GPC5: variants seen among roughly 807,000 people sequenced by gnomAD.
GPC5 encodes glypican-5.
In GPC5, 47 loss-of-function variants were observed where a neutral mutation model predicts 53.9. That is an observed-to-expected ratio of 0.87 (90% confidence interval 0.69 to 1.11). The LOEUF is 1.11. Ranked by LOEUF, GPC5 falls within the 50% of genes most tolerant of loss-of-function variation. GPC5 has a pLI of 0.00. For synonymous variants in GPC5, 286 were observed against 263.3 expected (o/e 1.09, Z -0.84); for missense variants, 748 against 713.1 (o/e 1.05, Z -0.56).
rs539441229 is a variant in GPC5, at chr13:92,612,752, C to T, written c.1562-253530C>T. ...AAGTGAAAAAACAATATTGCCTGTTCTGTGCCAGACATTATGACAGGAACA... is the reference window on the plus strand; with the variant it reads ...AAGTGAAAAAACAATATTGCCTGTTTTGTGCCAGACATTATGACAGGAACA... On this transcript the variant is annotated intron_variant, in intron 7 of 7. Coordinates refer to ENST00000377067, the MANE Select transcript of GPC5 (RefSeq NM_004466.6). Among the ~76,000 whole-genome samples the T allele has an allele frequency of 7.2e-5, 11 of 152,182 alleles. No individual in the cohort carries two copies. In the East Asian group the frequency reaches 2.1e-3, roughly 29 times the overall value.
At chr13:92,795,231 C>A (rs1876625627) in intron 7 of GPC5, among the ~76,000 whole-genome samples, 1 of 152,126 alleles carries the variant, frequency 6.6e-6, no homozygotes, top group Non-Finnish European at 1.5e-5. Flanking sequence ...AATAACACCA[C>A]ACATCTACAA....
intron 7 of GPC5, among the ~76,000 whole-genome samples, chr13:92,169,869 G>A (rs540506877): frequency 6.6e-6 from 1 of 151,970 alleles, no homozygotes; most frequent in African/African-American, 2.4e-5. Flanking sequence ...GTGAACATTT[G>A]GAACTATGTT....
chr13:92,628,828 A>G (rs1220985283), intron 7 of GPC5, among the ~76,000 whole-genome samples: 1 of 152,156 alleles, frequency 6.6e-6, no homozygotes, highest in African/African-American at 2.4e-5. Flanking sequence ...TGCTCCTCTC[A>G]TGGAACTAGA....
chr13:91,533,281 C>A (rs1052845927), intron 2 of GPC5, among the ~76,000 whole-genome samples: 1 of 152,128 alleles, frequency 6.6e-6, no homozygotes, highest in Non-Finnish European at 1.5e-5. Flanking sequence ...TTGTTCTTTC[C>A]AATTTATTTC....
At chr13:91,776,147 A>G (rs928901568) in intron 5 of GPC5, among the ~76,000 whole-genome samples, 3 of 152,162 alleles carry the variant, frequency 2.0e-5, no homozygotes, top group Admixed American at 6.5e-5. Flanking sequence ...GTTGGACCCG[A>G]GACAGCTGAG....
rs569458284 is a variant in GPC5 at position 91,713,674 on chromosome 13, G to C, written c.1021-14858G>C. Among the ~76,000 whole-genome samples, 4 of 152,170 alleles carry C rather than the reference G, an allele frequency of 2.6e-5. No individual in the cohort carries two copies. In the East Asian group the frequency reaches 7.7e-4, roughly 29 times the overall value. On this transcript the variant is annotated intron_variant, in intron 3 of 7. Coordinates refer to ENST00000377067, the MANE Select transcript of GPC5 (RefSeq NM_004466.6). ...ACACTTTCTCTCAGAATGTCACAAAGACTCTTTAAAACCCAGAAATCCAGA... is the reference window on the plus strand; with the variant it reads ...ACACTTTCTCTCAGAATGTCACAAACACTCTTTAAAACCCAGAAATCCAGA...
intron 4 of GPC5, among the ~76,000 whole-genome samples, chr13:91,733,943 A>G (rs2036758726): frequency 6.6e-6 from 1 of 152,178 alleles, no homozygotes; most frequent in Non-Finnish European, 1.5e-5. Flanking sequence ...TTGCTCATTC[A>G]GTATGATATT....
intron 6 of GPC5, among the ~76,000 whole-genome samples, chr13:92,114,195 T>C (rs945224971): frequency 6.6e-6 from 1 of 152,172 alleles, no homozygotes; most frequent in Non-Finnish European, 1.5e-5. Flanking sequence ...TCTTTGTCCT[T>C]CTTTGACATG....
chr13:91,621,761 T>TATATATGTATATATATATA (rs11462875), intron 2 of GPC5, among the ~76,000 whole-genome samples: 1 of 46,866 alleles, frequency 2.1e-5, no homozygotes, highest in African/African-American at 5.6e-5. Context: ...GGACAGAACA[T>TATATATGTATATATATATA]TATATATATA....
At chr13:92,017,584 ATAT>A (rs143859528) in intron 6 of GPC5, among the ~76,000 whole-genome samples, 4,268 of 152,224 alleles carry the variant, frequency 0.028, 136 homozygotes, top group African/African-American at 0.079. Flanking sequence ...GTTCCAAATA[ATAT>A]TATAAGATGT....
At chr13:91,973,229 A>G (rs955579712) in intron 6 of GPC5, among the ~76,000 whole-genome samples, 2 of 151,904 alleles carry the variant, frequency 1.3e-5, no homozygotes, top group Non-Finnish European at 2.9e-5. Flanking sequence ...GTCTTCCATC[A>G]CTGATACCCT....
intron 7 of GPC5, among the ~76,000 whole-genome samples, chr13:92,649,966 G>A (rs1042097743): frequency 3.9e-5 from 6 of 152,028 alleles, no homozygotes. Flanking sequence ...ACAATTGATG[G>A]ATTAGTCTTA....
chr13:91,518,080 G>C (rs186370815), intron 2 of GPC5, among the ~76,000 whole-genome samples: 1 of 152,168 alleles, frequency 6.6e-6, no homozygotes, highest in East Asian at 1.9e-4. Context: ...CACTGTTATA[G>C]GGTCCTTTAC....
chr13:92,569,632 G>C (rs1246108157), intron 7 of GPC5, among the ~76,000 whole-genome samples: 3 of 152,068 alleles, frequency 2.0e-5, no homozygotes, highest in Admixed American at 2.0e-4. Context: ...GAATGAAAAG[G>C]GAACAGGACA....
At chr13:91,937,852 G>GCA (rs2039885728) in intron 6 of GPC5, among the ~76,000 whole-genome samples, 1 of 152,040 alleles carries the variant, frequency 6.6e-6, no homozygotes, top group Admixed American at 6.6e-5. Flanking sequence ...AGAAGTCTAA[G>GCA]CACCCTTCAT....
chr13:91,515,527 A>G (rs944468328), intron 2 of GPC5, among the ~76,000 whole-genome samples: 1 of 152,188 alleles, frequency 6.6e-6, no homozygotes, highest in African/African-American at 2.4e-5. Flanking sequence ...TAACTTGCCT[A>G]AGGTCATAAA....
At chr13:92,779,211 C>A (rs1875932144) in intron 7 of GPC5, among the ~76,000 whole-genome samples, 1 of 151,996 alleles carries the variant, frequency 6.6e-6, no homozygotes, top group South Asian at 2.1e-4. Flanking sequence ...TTTTTAAAAC[C>A]ATCAGATCTC....
intron 6 of GPC5, among the ~76,000 whole-genome samples, chr13:91,977,938 C>T (rs1448197364): frequency 5.1e-5 from 7 of 136,068 alleles, no homozygotes; most frequent in South Asian, 2.3e-4. Context: ...ATAACGAGAC[C>T]GCCATCTCTA....
intron 7 of GPC5, among the ~76,000 whole-genome samples, chr13:92,431,472 A>G (rs945535664): frequency 2.0e-5 from 3 of 151,590 alleles, no homozygotes; most frequent in African/African-American, 7.3e-5. Flanking sequence ...TGAGGCAACT[A>G]GAAAGGTTCT....
Sources: allele counts gnomAD v4.1 joint callset (sites outside exome capture counted in the v4.1 genomes callset), GRCh38; gene constraint gnomAD v4.1.1; transcripts MANE v1.5; gene names NCBI Gene and HGNC (gene_info 2026-07-23, HGNC 2026-07-21).